MRTFB: variants seen among roughly 807,000 people sequenced by gnomAD.
MRTFB encodes the protein myocardin related transcription factor B.
MRTFB carries 29 observed loss-of-function variants against 104.2 expected under a neutral mutation model. The observed-to-expected ratio is 0.28, with a 90% CI of 0.21 to 0.38. The LOEUF (loss-of-function observed/expected upper bound fraction) is 0.38. MRTFB is among the 10% of genes least tolerant of loss of function. The probability of loss-of-function intolerance (pLI) is 1.00; values close to 1 mark genes in which losing one functional copy is unlikely to be tolerated. For missense variants in MRTFB, 1,270 were observed against 1,341.6 expected, an observed-to-expected ratio of 0.95 and a Z score of 0.83; for synonymous variants, 535 against 519.5, an observed-to-expected ratio of 1.03 and a Z score of -0.41.
chr16:14,082,234 G>T (rs1255585587), intron 2 of MRTFB, among the ~76,000 whole-genome samples: 2 of 152,122 alleles, frequency 1.3e-5, no homozygotes, highest in Non-Finnish European at 2.9e-5. Flanking sequence ...TGAGATAAAG[G>T]TCTGATTTCA....
At chr16:14,024,334 T>C in the MRTFB span, among the ~76,000 whole-genome samples, 1 of 152,218 alleles carries the variant, frequency 6.6e-6, no homozygotes, top group Non-Finnish European at 1.5e-5. Context: ...ATGTTGAGGA[T>C]AAAGCTAATG....
At chr16:14,238,841 T>C (rs1470532991) in intron 9 of MRTFB, among the ~76,000 whole-genome samples, 1 of 152,210 alleles carries the variant, frequency 6.6e-6, no homozygotes, top group Non-Finnish European at 1.5e-5. Context: ...TAAATTCTTA[T>C]TTACCAGTGT....
chr16:14,222,347 C>T (rs747652668), intron 8 of MRTFB, among the ~76,000 whole-genome samples: 2 of 152,122 alleles, frequency 1.3e-5, no homozygotes, highest in Non-Finnish European at 2.9e-5. Flanking sequence ...AGGCTGCATG[C>T]GGCCCAGGAC....
At chr16:14,155,325 C>A (rs568691889) in intron 3 of MRTFB, among the ~76,000 whole-genome samples, 1 of 151,898 alleles carries the variant, frequency 6.6e-6, no homozygotes, top group African/African-American at 2.4e-5. Context: ...TCTTTTTTTA[C>A]TGTCCATGTT....
At chr16:14,107,686 G>C (rs1256182426) in intron 2 of MRTFB, among the ~76,000 whole-genome samples, 1 of 152,192 alleles carries the variant, frequency 6.6e-6, no homozygotes, top group South Asian at 2.1e-4. Flanking sequence ...AGATGCATAG[G>C]TGAAAAGATG....
In MRTFB at chr16:14,177,729, G is replaced by A. The variant is rs2039631248; in HGVS notation, c.155-32514G>A. Among the ~76,000 whole-genome samples the A allele has an allele frequency of 6.6e-6, 1 of 151,870 alleles. No individual in the cohort carries two copies. Among genetic ancestry groups the A allele is most frequent in the Admixed American group, 6.6e-5 (1 of 15,250 alleles). On this transcript the variant is annotated intron_variant, in intron 3 of 16. Coordinates refer to ENST00000571589, the MANE Select transcript of MRTFB (RefSeq NM_001308142.2). The surrounding 1 kb of genome is among the most constrained non-coding windows in gnomAD (Gnocchi z 4.7). ...ACCCAGCTACTGGGGAGGCTGAAGA[G>A]GGAAGATTGCTTCAGCCCAGGAGGT...
At chr16:13,996,078 C>T in the MRTFB span, among the ~76,000 whole-genome samples, 1 of 152,252 alleles carries the variant, frequency 6.6e-6, no homozygotes, top group East Asian at 1.9e-4. Context: ...CCGAGACCAG[C>T]CTGGCCAACA....
chr16:14,140,458 G>A, intron 2 of MRTFB, 86 bp from the exon 3 acceptor site: 4 of 947,642 alleles, frequency 4.2e-6, no homozygotes, highest in Non-Finnish European at 6.2e-6. Flanking sequence ...AACTGGACTA[G>A]AACCCAGGAT....
chr16:14,222,453 CGTTAAT>C (rs1216966575), intron 8 of MRTFB, among the ~76,000 whole-genome samples: 1 of 151,804 alleles, frequency 6.6e-6, no homozygotes, highest in African/African-American at 2.4e-5. Flanking sequence ...CACCAGCTAT[CGTTAAT>C]GTTAATGTAT....
chr16:14,058,414 TTAGTCCAATTCTTCCTCATGAGCCGG>T, the MRTFB span, among the ~76,000 whole-genome samples: 2 of 149,396 alleles, frequency 1.3e-5, no homozygotes, highest in East Asian at 2.3e-4. Flanking sequence ...CAGCTGGAAT[TTAGTCCAATTCTTCCTCATGAGCCGG>T]GCAATGTACC....
In MRTFB at chr16:14,262,433, T is replaced by C. The variant is rs1477633827; in HGVS notation, c.*989T>C. On this transcript the variant is annotated 3_prime_UTR_variant, in exon 17 of 17. Transcript: ENST00000571589. ...AAGGCTTTAGCATGAAATATCTTTC[T>C]GAGCTGGCGAGTTAGAAGAATGGAA... is the stretch of plus-strand genomic sequence containing the variant. 1 of 152,240 alleles carries C rather than the reference T, an allele frequency of 6.6e-6. No homozygotes were observed. The highest frequency in any genetic ancestry group is 1.5e-5 in the Non-Finnish European group (1 of 68,052). The allele number at this position is 152,240 out of a possible 1,614,324, so 9.4% of individuals were successfully genotyped here.
chr16:14,208,167 G>A (rs1356844494), intron 3 of MRTFB, among the ~76,000 whole-genome samples: 1 of 152,196 alleles, frequency 6.6e-6, no homozygotes, highest in Non-Finnish European at 1.5e-5. Flanking sequence ...TAGCATGAAA[G>A]TGTGATTTCT....
intron 2 of MRTFB, among the ~76,000 whole-genome samples, chr16:14,134,140 T>C (rs1433669792): frequency 1.3e-5 from 2 of 152,232 alleles, no homozygotes; most frequent in Non-Finnish European, 2.9e-5. Flanking sequence ...TTGAAAGTTA[T>C]TCCTCTAGTG....
In MRTFB at chr16:14,244,990, T is replaced by C. The variant is rs78749667; in HGVS notation, c.1080-538T>C. Among the ~76,000 whole-genome samples, 525 of 152,308 alleles carry C rather than the reference T, an allele frequency of 3.4e-3. 3 individuals are homozygous for C. The highest frequency in any genetic ancestry group is 0.012 in the African/African-American group (508 of 41,562). ...TTTATTTTCATAATTCACATGTAGA[T>C]TTTGGGAACAAGGTGAGATGGGGCC... On this transcript the variant is annotated intron_variant, in intron 10 of 16. Coordinates refer to ENST00000571589, the MANE Select transcript of MRTFB (RefSeq NM_001308142.2).
At chr16:13,999,277 T>C in the MRTFB span, among the ~76,000 whole-genome samples, 1 of 151,674 alleles carries the variant, frequency 6.6e-6, no homozygotes, top group African/African-American at 2.4e-5. Context: ...GAATAAACCA[T>C]ATAACAGGTC....
In MRTFB at chr16:14,177,440, TTTTG is replaced by T. The variant is rs559298144; in HGVS notation, c.155-32791_155-32788del. 4.7e-4 allele frequency among the ~76,000 whole-genome samples: 72 copies of T among 152,184 alleles called. No homozygotes were observed. In the East Asian group the frequency reaches 0.01, roughly 22 times the overall value. Reference sequence around the variant, plus strand: ...ATTACTCCCTGTTGAGTGTTTTGGGTTTTGTTTGTTTGTTTTTTAATCTTTGTTT... The same window carrying T: ...ATTACTCCCTGTTGAGTGTTTTGGGTTTTGTTTGTTTTTTAATCTTTGTTT... On this transcript the variant is annotated intron_variant, in intron 3 of 16. Coordinates refer to ENST00000571589, the MANE Select transcript of MRTFB (RefSeq NM_001308142.2). The surrounding 1 kb of genome is among the most constrained non-coding windows in gnomAD (Gnocchi z 4.7).
rs2043277250 is a variant in MRTFB, at chr16:14,252,030, C to T, written c.2565+7C>T. On this transcript the variant is annotated splice_region_variant and intron_variant, in intron 14 of 16. Transcript: ENST00000571589. ...ACCTAACACACCCAACAAGGTAACCCTGTGAGGCTTGTGTGTCAGTGACAG... is the reference window on the plus strand; with the variant it reads ...ACCTAACACACCCAACAAGGTAACCTTGTGAGGCTTGTGTGTCAGTGACAG... The T allele has an allele frequency of 1.2e-6, 2 of 1,613,288 alleles. No homozygotes were observed. Among genetic ancestry groups the T allele is most frequent in the Non-Finnish European group, 1.7e-6 (2 of 1,179,650 alleles).
intron 2 of MRTFB, among the ~76,000 whole-genome samples, chr16:14,104,365 C>T (rs1567326631): frequency 6.6e-6 from 1 of 152,160 alleles, no homozygotes; most frequent in Non-Finnish European, 1.5e-5. Context: ...TCATTTACTC[C>T]TGAAATTCAT....
At chr16:14,225,986 T>C (rs2041986912) in intron 8 of MRTFB, among the ~76,000 whole-genome samples, 1 of 152,156 alleles carries the variant, frequency 6.6e-6, no homozygotes, top group South Asian at 2.1e-4. Flanking sequence ...GTCATCATGG[T>C]AGTTTTGTTT....
Sources: gnomAD v4.1 joint callset for allele counts (sites outside exome capture counted in the v4.1 genomes callset) on GRCh38, gnomAD v4.1.1 for gene constraint, Gnocchi (gnomAD v3.1) non-coding constraint, MANE v1.5 for transcripts, NCBI Gene and HGNC (gene_info 2026-07-23, HGNC 2026-07-21) for gene names.